The following CNTNAP5 variants were observed in gnomAD, a reference collection of about 807,000 sequenced individuals.
CNTNAP5 encodes the protein contactin-associated protein-like 5.
A neutral mutation model predicts 150.2 loss-of-function variants in CNTNAP5; 72 were observed. The observed-to-expected ratio is 0.48, with a 90% confidence interval of 0.40 to 0.58. The LOEUF (loss-of-function observed/expected upper bound fraction) is 0.58, where lower values mean the gene tolerates loss of function less well. Among genes scored for constraint, CNTNAP5 ranks in the 20% least tolerant of loss-of-function variants. The pLI is 0.00. For synonymous variants in CNTNAP5, 672 were observed against 619.8 expected (o/e 1.08, Z -1.25); for missense variants, 1,636 against 1,626.2 (o/e 1.01, Z -0.10).
intron 12 of CNTNAP5, among the ~76,000 whole-genome samples, chr2:124,631,717 C>A (rs1388542227): frequency 1.3e-5 from 2 of 152,128 alleles, no homozygotes; most frequent in African/African-American, 4.8e-5. Context: ...CAAAAATTGA[C>A]AAATGGGATC....
chr2:124,771,884 C>T (rs1357279274), intron 16 of CNTNAP5, among the ~76,000 whole-genome samples: 1 of 151,856 alleles, frequency 6.6e-6, no homozygotes, highest in Non-Finnish European at 1.5e-5. Context: ...ACCATTACCA[C>T]CATCAGCACT....
chr2:124,485,569 C>T (rs138415082), intron 7 of CNTNAP5, among the ~76,000 whole-genome samples: 6,530 of 142,160 alleles, frequency 0.046, 206 homozygotes, highest in African/African-American at 0.072. Context: ...GCCGAGATCA[C>T]GCCACTGCAC....
intron 12 of CNTNAP5, among the ~76,000 whole-genome samples, chr2:124,636,311 G>GA (rs1409735157): frequency 5.3e-5 from 8 of 152,074 alleles, no homozygotes; most frequent in Non-Finnish European, 1.0e-4. Flanking sequence ...TAAACTGCAA[G>GA]AAAAAAGACT....
At chr2:124,248,283 C>T (rs1687081105) in intron 3 of CNTNAP5, among the ~76,000 whole-genome samples, 1 of 152,184 alleles carries the variant, frequency 6.6e-6, no homozygotes, top group Admixed American at 6.5e-5. Flanking sequence ...CATTCCTCCA[C>T]ATTTCCTTGC....
chr2:124,210,233 C>A (rs888145745), intron 1 of CNTNAP5, among the ~76,000 whole-genome samples: 1 of 152,044 alleles, frequency 6.6e-6, no homozygotes, highest in African/African-American at 2.4e-5. Flanking sequence ...AGTCTTGTGA[C>A]ACTTTTTATT....
At chr2:124,318,883 T>TG (rs1353022868) in intron 3 of CNTNAP5, among the ~76,000 whole-genome samples, 2 of 152,162 alleles carry the variant, frequency 1.3e-5, no homozygotes, top group Non-Finnish European at 2.9e-5. Context: ...CAGCACCTAC[T>TG]GGGTCCTTGT....
intron 18 of CNTNAP5, among the ~76,000 whole-genome samples, chr2:124,793,736 A>G (rs1681786225): frequency 6.6e-6 from 1 of 152,040 alleles, no homozygotes. Context: ...TGGCATGTGG[A>G]TATATCCTTG....
chr2:124,029,976 A>G (rs1302446822), intron 1 of CNTNAP5, among the ~76,000 whole-genome samples: 1 of 152,142 alleles, frequency 6.6e-6, no homozygotes, highest in Admixed American at 6.5e-5. Flanking sequence ...TGCAGTGTAC[A>G]TATTTGGAGC....
At chr2:124,548,309 C>T (rs946729656) in intron 10 of CNTNAP5, among the ~76,000 whole-genome samples, 5 of 152,084 alleles carry the variant, frequency 3.3e-5, no homozygotes, top group African/African-American at 1.2e-4. Context: ...AACCTGTGGC[C>T]ACCAGCAGTT....
chr2:124,327,232 G>A (rs1012294457), intron 3 of CNTNAP5, among the ~76,000 whole-genome samples: 59 of 151,708 alleles, frequency 3.9e-4, no homozygotes, highest in Non-Finnish European at 6.9e-4. Flanking sequence ...TGCCTGCCTC[G>A]GCCTCCCAAA....
chr2:124,863,599 A>G (rs1677569119), intron 19 of CNTNAP5, among the ~76,000 whole-genome samples: 1 of 152,172 alleles, frequency 6.6e-6, no homozygotes, highest in African/African-American at 2.4e-5. Flanking sequence ...TCTATTCTTA[A>G]TTTATTGTTT....
chr2:124,085,628 T>C (rs548216541), intron 1 of CNTNAP5, among the ~76,000 whole-genome samples: 2 of 152,366 alleles, frequency 1.3e-5, no homozygotes, highest in African/African-American at 4.8e-5. Context: ...TCTTTTCTAG[T>C]GCATGCAGTT....
At chr2:124,050,087 G>A (rs1243672423) in intron 1 of CNTNAP5, among the ~76,000 whole-genome samples, 2 of 151,920 alleles carry the variant, frequency 1.3e-5, no homozygotes, top group Non-Finnish European at 2.9e-5. Flanking sequence ...TCAAACCATA[G>A]CAATACCTTA....
intron 13 of CNTNAP5, among the ~76,000 whole-genome samples, chr2:124,745,549 G>T (rs150748956): frequency 1.3e-5 from 2 of 152,248 alleles, no homozygotes; most frequent in Admixed American, 1.3e-4. Context: ...TGGCTCACCC[G>T]AGCAGGGATT....
intron 1 of CNTNAP5, among the ~76,000 whole-genome samples, chr2:124,183,995 A>G (rs565805886): frequency 1.3e-5 from 2 of 152,336 alleles, no homozygotes; most frequent in South Asian, 4.1e-4. Flanking sequence ...CAAAAAGTAG[A>G]AGGGAAAACC....
chr2:124,890,692 A>G (rs1249005420), intron 21 of CNTNAP5, among the ~76,000 whole-genome samples: 1 of 152,178 alleles, frequency 6.6e-6, no homozygotes, highest in Non-Finnish European at 1.5e-5. Context: ...AATAAAAGGC[A>G]TATAAGGCAG....
intron 1 of CNTNAP5, among the ~76,000 whole-genome samples, chr2:124,145,811 T>TAAAAAAAAA (rs761766577): frequency 7.8e-5 from 1 of 12,788 alleles, no homozygotes. Flanking sequence ...AAAAAAAACA[T>TAAAAAAAAA]TAAAAAAAAA....
chr2:124,452,430 C>T (rs1224088613), intron 6 of CNTNAP5, among the ~76,000 whole-genome samples: 3 of 152,082 alleles, frequency 2.0e-5, no homozygotes, highest in Admixed American at 1.3e-4. Flanking sequence ...CCTAGCCCTT[C>T]CCCCACCTAA....
intron 21 of CNTNAP5, among the ~76,000 whole-genome samples, chr2:124,891,899 G>T (rs964653906): frequency 6.6e-6 from 1 of 152,110 alleles, no homozygotes; most frequent in Non-Finnish European, 1.5e-5. Context: ...AAAAGCAGAA[G>T]TCACAAGAGT....
Sources: gnomAD v4.1 joint callset for allele counts (sites outside exome capture counted in the v4.1 genomes callset) on GRCh38, gnomAD v4.1.1 for gene constraint, MANE v1.5 for transcripts, NCBI Gene and HGNC (gene_info 2026-07-23, HGNC 2026-07-21) for gene names.